The following CACNA2D3 variants were observed in gnomAD, a reference collection of about 807,000 sequenced individuals.
CACNA2D3 encodes the protein calcium voltage-gated channel auxiliary subunit alpha2delta 3, also known as voltage-dependent calcium channel subunit alpha-2/delta-3.
Under a neutral mutation model 160.6 loss-of-function variants are expected in CACNA2D3, and 60 were observed. The observed-to-expected ratio is 0.37, with a 90% CI of 0.30 to 0.46. The LOEUF is 0.46. Ranked by LOEUF, CACNA2D3 falls within the 20% of genes least tolerant of loss-of-function variation. The pLI is 1.00. For synonymous variants in CACNA2D3, 558 were observed against 492.9 expected, an observed-to-expected ratio of 1.13 and a Z score of -1.75; for missense variants, 1,205 against 1,365.0, an observed-to-expected ratio of 0.88 and a Z score of 1.85.
At chr3:54,989,740 G>A (rs1244355406) in intron 31 of CACNA2D3, among the ~76,000 whole-genome samples, 1 of 152,176 alleles carries the variant, frequency 6.6e-6, no homozygotes, top group Non-Finnish European at 1.5e-5. Context: ...AATTAGTTGT[G>A]AGCTGCAGCC....
chr3:54,910,419 C>T (rs1479578610), intron 27 of CACNA2D3, among the ~76,000 whole-genome samples: 3 of 152,166 alleles, frequency 2.0e-5, no homozygotes, highest in Non-Finnish European at 4.4e-5. Flanking sequence ...TGAAATATTC[C>T]TCATGAAGGT....
chr3:54,714,111 A>T (rs1054860853), intron 11 of CACNA2D3, among the ~76,000 whole-genome samples: 5 of 152,150 alleles, frequency 3.3e-5, no homozygotes, highest in Non-Finnish European at 7.3e-5. Flanking sequence ...CAGGAGTTAT[A>T]TCTTGTCTTG....
intron 4 of CACNA2D3, among the ~76,000 whole-genome samples, chr3:54,460,584 A>G (rs1401286462): frequency 1.3e-5 from 2 of 152,172 alleles, no homozygotes; most frequent in South Asian, 4.2e-4. Context: ...TTTGTCCATT[A>G]TTGGTGTATA....
At chr3:54,916,298 A>G (rs542435327) in intron 27 of CACNA2D3, among the ~76,000 whole-genome samples, 9 of 152,240 alleles carry the variant, frequency 5.9e-5, no homozygotes, top group Admixed American at 5.2e-4. Context: ...CTTCTTGGCC[A>G]AGCATCCTCA....
intron 4 of CACNA2D3, among the ~76,000 whole-genome samples, chr3:54,446,516 T>C (rs1244838255): frequency 6.6e-6 from 1 of 152,210 alleles, no homozygotes. Context: ...AAAAGAACAA[T>C]GGATAATATA....
intron 13 of CACNA2D3, among the ~76,000 whole-genome samples, chr3:54,775,734 C>T (rs187881937): frequency 1.1e-4 from 17 of 152,214 alleles, no homozygotes; most frequent in Non-Finnish European, 2.4e-4. Context: ...TTCATCACTT[C>T]TGATGATCAA....
intron 4 of CACNA2D3, among the ~76,000 whole-genome samples, chr3:54,417,778 G>A (rs948168082): frequency 8.9e-6 from 1 of 112,820 alleles, no homozygotes; most frequent in African/African-American, 3.9e-5. Context: ...TGTGGTGTGT[G>A]TGTGTATCTG....
At chr3:54,612,484 CAAGTG>C (rs1318230706) in intron 9 of CACNA2D3, among the ~76,000 whole-genome samples, 1 of 152,144 alleles carries the variant, frequency 6.6e-6, no homozygotes, top group Non-Finnish European at 1.5e-5. Context: ...GCCTGAACCC[CAAGTG>C]AAGGACCTTC....
At chr3:54,709,925 TAAAATA>T (rs1700925288) in intron 11 of CACNA2D3, among the ~76,000 whole-genome samples, 1 of 152,238 alleles carries the variant, frequency 6.6e-6, no homozygotes, top group African/African-American at 2.4e-5. Flanking sequence ...ACCCTGTCTC[TAAAATA>T]AAAATAAAAT....
intron 11 of CACNA2D3, among the ~76,000 whole-genome samples, chr3:54,684,824 G>A (rs772605271): frequency 1.4e-4 from 22 of 152,192 alleles, no homozygotes; most frequent in Non-Finnish European, 2.4e-4. Context: ...AGTGGGTCCA[G>A]CAGGTTTAGG....
At chr3:54,209,727 C>A (rs79434444) in intron 2 of CACNA2D3, among the ~76,000 whole-genome samples, 2,823 of 152,294 alleles carry the variant, frequency 0.019, 120 homozygotes, top group East Asian at 0.14. Context: ...ATTAATGGAA[C>A]ATAACCTTAA....
Position 55,004,746 on chromosome 3 carries a change from C to T in CACNA2D3, c.2691-17C>T, listed in dbSNP as rs538224964. The T allele has an allele frequency of 1.9e-6, 3 of 1,586,758 alleles. No individual in the cohort carries two copies. The South Asian group carries it at 3.3e-5, about 18-fold the overall frequency. The stretch of plus-strand genomic sequence containing the variant: ...TTTTCTCATTTAGTGAAGCTCCCTT[C>T]CATTTCTTTCCTGTAGAATTACCCT... On this transcript the variant is annotated splice_polypyrimidine_tract_variant and intron_variant, in intron 31 of 37. Transcript: ENST00000474759.
chr3:54,942,198 G>GC (rs372376627), intron 27 of CACNA2D3, among the ~76,000 whole-genome samples: 73 of 152,308 alleles, frequency 4.8e-4, no homozygotes, highest in African/African-American at 1.7e-3. Context: ...GTGTATCTCT[G>GC]CCCAGGTGTG....
At chr3:54,702,961 G>A (rs1453448412) in intron 11 of CACNA2D3, among the ~76,000 whole-genome samples, 1 of 152,148 alleles carries the variant, frequency 6.6e-6, no homozygotes, top group Non-Finnish European at 1.5e-5. Flanking sequence ...ATTATCCTAA[G>A]CAAATTAATA....
At chr3:54,890,546 G>T (rs1700040577) in intron 24 of CACNA2D3, among the ~76,000 whole-genome samples, 1 of 150,676 alleles carries the variant, frequency 6.6e-6, no homozygotes. Context: ...TTATGTGTTT[G>T]TGAAGAAAGG....
chr3:54,943,777 T>G (rs1465930341), intron 27 of CACNA2D3, among the ~76,000 whole-genome samples: 1 of 152,136 alleles, frequency 6.6e-6, no homozygotes, highest in Non-Finnish European at 1.5e-5. Context: ...CAGTCCGGAC[T>G]AATAGCTCTC....
chr3:54,579,525 T>G (rs1467080941), intron 8 of CACNA2D3, among the ~76,000 whole-genome samples: 1 of 152,218 alleles, frequency 6.6e-6, no homozygotes, highest in Non-Finnish European at 1.5e-5. Flanking sequence ...TATGTCATGG[T>G]CATTTGACTG....
Position 54,127,234 on chromosome 3 carries a change from C to T in CACNA2D3, c.204+3640C>T, listed in dbSNP as rs193098322. 2.1e-3 allele frequency among the ~76,000 whole-genome samples: 313 copies of T among 152,292 alleles called. 1 individual carries two copies. The highest frequency in any genetic ancestry group is 2.9e-4 in the Non-Finnish European group (20 of 68,038). On this transcript the variant is annotated intron_variant, in intron 2 of 37. Transcript: ENST00000474759. ...AGGTAATGTGTGTCTCTGCCAGTAA[C>T]GCTGGAACAGAATTGACATTTACCT...
intron 13 of CACNA2D3, among the ~76,000 whole-genome samples, chr3:54,810,228 G>T (rs761735375): frequency 3.9e-5 from 6 of 152,188 alleles, no homozygotes; most frequent in Non-Finnish European, 8.8e-5. Flanking sequence ...TATACTTTCA[G>T]ATCATTCTGG....
Sources: gnomAD v4.1 joint callset for allele counts (sites outside exome capture counted in the v4.1 genomes callset) on GRCh38, gnomAD v4.1.1 for gene constraint, MANE v1.5 for transcripts, NCBI Gene and HGNC (gene_info 2026-07-23, HGNC 2026-07-21) for gene names.